The following FAT1 variants were observed in gnomAD, a reference collection of about 807,000 sequenced individuals.
FAT1 encodes protocadherin Fat 1.
In FAT1, 171 loss-of-function variants were observed where a neutral mutation model predicts 329.8. The ratio of observed to expected loss-of-function variants is 0.52; its 90% CI spans 0.46 to 0.59. FAT1 has a LOEUF of 0.59. Ranked by LOEUF, FAT1 falls within the 20% of genes least tolerant of loss-of-function variation. The probability of loss-of-function intolerance (pLI) is 0.00; values close to 1 mark genes in which losing one functional copy is unlikely to be tolerated. For missense variants in FAT1, 5,672 were observed against 5,774.4 expected (o/e 0.98, Z 0.57); for synonymous variants, 2,233 against 2,228.6 (o/e 1.00, Z -0.06).
chr4:186,607,385 GGATA>G (rs1272570196), intron 16 of FAT1, among the ~76,000 whole-genome samples: 1 of 146,890 alleles, frequency 6.8e-6, no homozygotes, highest in Non-Finnish European at 1.5e-5. Context: ...ATGGGTAACT[GGATA>G]GATAGGTGGA....
At chr4:186,590,723 A>C (rs1165648355) in intron 26 of FAT1, 1 of 453,456 alleles carries the variant, frequency 2.2e-6, no homozygotes, top group Non-Finnish European at 4.4e-6. Context: ...CCTTAGGAAT[A>C]ATGAAAACAA....
chr4:186,690,846 T>C (rs1743724410), intron 2 of FAT1, among the ~76,000 whole-genome samples: 1 of 152,210 alleles, frequency 6.6e-6, no homozygotes, highest in Admixed American at 6.5e-5. Flanking sequence ...ATTTAAAGAC[T>C]TCATAGGAAA....
intron 7 of FAT1, among the ~76,000 whole-genome samples, chr4:186,630,829 C>T (rs1351662611): frequency 6.6e-6 from 1 of 152,030 alleles, no homozygotes; most frequent in Non-Finnish European, 1.5e-5. Context: ...GCTCCAGAGG[C>T]CACGATGCTG....
intron 3 of FAT1, among the ~76,000 whole-genome samples, chr4:186,647,129 G>C (rs1370802517): frequency 1.3e-5 from 2 of 152,180 alleles, no homozygotes; most frequent in African/African-American, 4.8e-5. Context: ...GAAAGCCTAA[G>C]ACAAGGCTCT....
rs767817251 is a variant in FAT1 at position 186,603,252 on chromosome 4, C to T, written c.11274G>A (p.Val3758=). Residue 3758 remains valine (V), a synonymous_variant, in exon 19 of 27, where the codon GTG becomes GTA. Coordinates refer to ENST00000441802, the MANE Select transcript of FAT1 (RefSeq NM_005245.4). The part of the protein sequence containing the change: ...CDEKVSVDES[V]MSTHSTARLS... ...GTCTGGCTGTGCTGTGTGTTGACAT[C>T]ACACTTTCATCCACAGACACCTTTT... The T allele has an allele frequency of 1.2e-6, 2 of 1,613,852 alleles. No homozygotes were observed. Among genetic ancestry groups the T allele is most frequent in the Non-Finnish European group, 8.5e-7 (1 of 1,179,826 alleles).
chr4:186,620,377 A>G lies in FAT1; in HGVS notation c.6209T>C (p.Ile2070Thr), dbSNP rs1021583788. ...CGCATTATCATTTTGGTCTTCTACA[A>G]TGACCTTCACGACAACGTGGGCCAC... ...SAVAHVVVKV[I>T]VEDQNDNAPV... is the part of the protein sequence containing the mutation. Residue 2070 changes from isoleucine (I) to threonine (T), a missense_variant, in exon 10 of 27, where the codon ATT becomes ACT. By Grantham distance (89) the Ile-to-Thr change is moderately conservative (BLOSUM62 -1). Coordinates refer to ENST00000441802, the MANE Select transcript of FAT1 (RefSeq NM_005245.4). 1.2e-6 allele frequency: 2 copies of G among 1,614,038 alleles called. No individual in the cohort carries two copies. The highest frequency in any genetic ancestry group is 1.7e-5 in the Admixed American group (1 of 60,034).
intron 3 of FAT1, among the ~76,000 whole-genome samples, chr4:186,651,395 G>T (rs1240743579): frequency 6.6e-6 from 1 of 152,146 alleles, no homozygotes; most frequent in Non-Finnish European, 1.5e-5. Flanking sequence ...GACAGAAGGC[G>T]CAAGTGAGCG....
In FAT1 at chr4:186,633,839, A is replaced by T. The variant is rs781675758; in HGVS notation, c.4184-16T>A. 1 of 1,613,938 alleles carries T rather than the reference A, an allele frequency of 6.2e-7. No homozygotes were observed. Among genetic ancestry groups the T allele is most frequent in the Non-Finnish European group, 8.5e-7 (1 of 1,179,832 alleles). ...TAGTTGCCACCTAATTTGGGGAAAA[A>T]AAAGTAAAAACAGGTCACAGGATAA... On this transcript the variant is annotated splice_polypyrimidine_tract_variant and intron_variant, in intron 6 of 26. Coordinates refer to ENST00000441802, the MANE Select transcript of FAT1 (RefSeq NM_005245.4).
rs562714971 is a variant in FAT1 at position 186,700,832 on chromosome 4, G to A, written c.3265+5731C>T. 1.6e-4 allele frequency among the ~76,000 whole-genome samples: 25 copies of A among 152,274 alleles called. No individual in the cohort carries two copies. In the East Asian group the frequency reaches 4.6e-3, roughly 28 times the overall value. The stretch of plus-strand genomic sequence containing the variant: ...ACACAGAATGCCGGGCCCAGTGCCC[G>A]GCTGTGACACTCAGTGTCGTGGTTA... On this transcript the variant is annotated intron_variant, in intron 2 of 26. Transcript: ENST00000441802.
chr4:186,659,542 C>T (rs1326195418), intron 3 of FAT1, among the ~76,000 whole-genome samples: 1 of 152,206 alleles, frequency 6.6e-6, no homozygotes, highest in African/African-American at 2.4e-5. Context: ...GTAACACCCG[C>T]AAGAGGAAGC....
At position 186,589,101 on chromosome 4, in the gene FAT1, T is replaced by A. The variant is rs760581601; in HGVS notation, c.13258A>T (p.Ile4420Phe). ...CCTCCAGGGTAATAGTCCGTATCGA[T>A]GGCGTTTGGATCTGCTGAGTACAGG... ...TPLYSADPNA[I>F]DTDYYPGGYD... Residue 4420 changes from isoleucine to phenylalanine, a missense_variant, in exon 27 of 27, where the codon ATC (isoleucine) becomes TTC (phenylalanine). By Grantham distance (21) the Ile-to-Phe change is conservative (BLOSUM62 0). Transcript: ENST00000441802. 1 of 1,613,946 alleles carries A rather than the reference T, an allele frequency of 6.2e-7. No individual in the cohort carries two copies.
At chr4:186,654,813 A>T (rs567401174) in intron 3 of FAT1, among the ~76,000 whole-genome samples, 1 of 151,988 alleles carries the variant, frequency 6.6e-6, no homozygotes, top group Admixed American at 6.6e-5. Flanking sequence ...CAGGAGACCG[A>T]GGAAGGAAGA....
At position 186,613,104 on chromosome 4, in the gene FAT1, G is replaced by A. The variant is rs2126474022; in HGVS notation, c.9463+5C>T. On this transcript the variant is annotated splice_donor_5th_base_variant and intron_variant, in intron 13 of 26. Transcript: ENST00000441802. ...GCGTCAGGCAAGAGCATTCCCGGGA[G>A]ATACCTGCGTCGGCATCTGTGGCCT... The A allele has an allele frequency of 1.9e-6, 3 of 1,599,676 alleles. No individual in the cohort carries two copies. Among genetic ancestry groups the A allele is most frequent in the Non-Finnish European group, 2.6e-6 (3 of 1,173,064 alleles).
At position 186,588,362 on chromosome 4, in the gene FAT1, G is replaced by T. The variant is rs1738054388; in HGVS notation, c.*230C>A. 1.9e-6 allele frequency: 1 copy of T among 528,900 alleles called. No homozygotes were observed. Among genetic ancestry groups the T allele is most frequent in the African/African-American group, 1.9e-5 (1 of 53,284 alleles). The allele number at this position is 528,900 out of a possible 1,614,324, so 32.8% of individuals were successfully genotyped here. A position where few individuals can be genotyped will look rare whatever the true frequency, so the allele number is the denominator to read the frequency against. ...TCGTTTGATTATTTTAACACAGACA[G>T]ATGTAAATCCCAAAAGACGTTGGGA... On this transcript the variant is annotated 3_prime_UTR_variant, in exon 27 of 27. Transcript: ENST00000441802.
chr4:186,706,920 C>T lies in FAT1; in HGVS notation c.2908G>A (p.Gly970Arg), dbSNP rs770094480. 4.2e-5 allele frequency: 67 copies of T among 1,613,874 alleles called. No homozygotes were observed. The highest frequency in any genetic ancestry group is 3.3e-4 in the Middle Eastern group (2 of 6,084). The change falls in exon 2 of 27, where the codon GGA becomes AGA. Residue 970 changes from glycine (G) to arginine (R), a missense_variant. Transcript: ENST00000441802. ...TTATCCACATCGAAGTTTCCTTCTC[C>T]GTGGTCCAGAAGGCTGTATCTCACC... The part of the protein sequence containing the change: ...GQVRYSLLDH[G>R]EGNFDVDKLS...
rs1254259112 is a variant in FAT1, at chr4:186,596,907, C to T, written c.12633G>A (p.Lys4211=). Residue 4211 remains lysine (K), a synonymous_variant, in exon 25 of 27, where the codon AAG becomes AAA. Coordinates refer to ENST00000441802, the MANE Select transcript of FAT1 (RefSeq NM_005245.4). The surrounding 1 kb of genome is among the most constrained non-coding windows in gnomAD (Gnocchi z 4.7). ...LCRKMISRKK[K]HQAEPKDKHL... is the part of the protein sequence containing the mutation. ...GCTTGTCTTTAGGTTCAGCCTGATG[C>T]TTCTTTTTCCGACTAATCATCTTAC... 1.2e-6 allele frequency: 2 copies of T among 1,614,044 alleles called. No homozygotes were observed. Among genetic ancestry groups the T allele is most frequent in the South Asian group, 1.1e-5 (1 of 91,082 alleles).
chr4:186,707,657 A>C lies in FAT1; in HGVS notation c.2171T>G (p.Ile724Ser). 6.2e-7 allele frequency: 1 copy of C among 1,614,008 alleles called. No homozygotes were observed. Among genetic ancestry groups the C allele is most frequent in the Non-Finnish European group, 8.5e-7 (1 of 1,179,888 alleles). The change falls in exon 2 of 27, where the codon ATT becomes AGT. Residue 724 changes from isoleucine (I) to serine (S), a missense_variant. By Grantham distance (142) the Ile-to-Ser change is moderately radical. Coordinates refer to ENST00000441802, the MANE Select transcript of FAT1 (RefSeq NM_005245.4). ...CACAGGCTGGTTTTCCTTTACCTGA[A>C]TACCAGTCGGAAGAGTGCTTCTAAA... ...PQFRSTLPTGIQVKENQPVGS... is the reference protein window; with the variant it reads ...PQFRSTLPTGSQVKENQPVGS...
At chr4:186,704,831 T>C (rs1744493198) in intron 2 of FAT1, among the ~76,000 whole-genome samples, 1 of 152,144 alleles carries the variant, frequency 6.6e-6, no homozygotes, top group South Asian at 2.1e-4. Context: ...GATAGTGATA[T>C]ATAGTCTGTA....
At chr4:186,594,901 T>C (rs1738428916) in intron 26 of FAT1, among the ~76,000 whole-genome samples, 1 of 151,836 alleles carries the variant, frequency 6.6e-6, no homozygotes, top group South Asian at 2.1e-4. Flanking sequence ...TGTTTAATAA[T>C]AAACGTATTA....
Sources: allele counts gnomAD v4.1 joint callset (sites outside exome capture counted in the v4.1 genomes callset), GRCh38; gene constraint gnomAD v4.1.1; non-coding constraint Gnocchi (gnomAD v3.1); transcripts MANE v1.5; gene names NCBI Gene and HGNC (gene_info 2026-07-23, HGNC 2026-07-21).